Variants in STXBP5L observed in about 807,000 individuals in gnomAD.
The protein encoded by STXBP5L is syntaxin binding protein 5L.
A neutral mutation model predicts 144.5 loss-of-function variants in STXBP5L; 65 were observed. The ratio of observed to expected loss-of-function variants is 0.45; its 90% CI spans 0.37 to 0.55. The LOEUF is 0.55. Ranked by LOEUF, STXBP5L falls within the 20% of genes least tolerant of loss-of-function variation. The pLI is 0.00. For synonymous variants in STXBP5L, 505 were observed against 469.6 expected, an observed-to-expected ratio of 1.08 and a Z score of -0.97; for missense variants, 1,298 against 1,405.5, an observed-to-expected ratio of 0.92 and a Z score of 1.22.
At chr3:121,197,147 G>T (rs1385077903) in intron 9 of STXBP5L, among the ~76,000 whole-genome samples, 1 of 152,084 alleles carries the variant, frequency 6.6e-6, no homozygotes, top group Admixed American at 6.5e-5. Context: ...TTGTTATTCA[G>T]TCAGATGTTA....
At chr3:121,190,372 A>G (rs1699958) in intron 9 of STXBP5L, among the ~76,000 whole-genome samples, 74,273 of 151,962 alleles carry the variant, frequency 0.49, 18,620 homozygotes, top group East Asian at 0.73. Context: ...GGGGTTGGGG[A>G]TAAGGTTATA....
At chr3:121,330,368 C>G (rs1176297542) in intron 20 of STXBP5L, among the ~76,000 whole-genome samples, 1 of 152,198 alleles carries the variant, frequency 6.6e-6, no homozygotes, top group Non-Finnish European at 1.5e-5. Flanking sequence ...ATTACCCCAG[C>G]AGCAGAGAAC....
chr3:121,283,938 A>G (rs958894997), intron 19 of STXBP5L, among the ~76,000 whole-genome samples: 4 of 150,532 alleles, frequency 2.7e-5, no homozygotes, highest in African/African-American at 9.8e-5. Context: ...TAGACAGAAA[A>G]GTTTCTGGAA....
intron 5 of STXBP5L, among the ~76,000 whole-genome samples, chr3:121,078,458 C>A (rs1005132590): frequency 6.6e-6 from 1 of 152,264 alleles, no homozygotes; most frequent in African/African-American, 2.4e-5. Context: ...TGAGGAGCCC[C>A]GCTGTCGTCA....
At chr3:121,139,093 A>G (rs1183848743) in intron 7 of STXBP5L, among the ~76,000 whole-genome samples, 2 of 152,022 alleles carry the variant, frequency 1.3e-5, no homozygotes, top group African/African-American at 2.4e-5. Context: ...GTAGAAGTCA[A>G]GGAGAAGAAA....
chr3:121,053,972 C>G (rs1294368682), intron 5 of STXBP5L, among the ~76,000 whole-genome samples: 1 of 151,964 alleles, frequency 6.6e-6, no homozygotes, highest in African/African-American at 2.4e-5. Flanking sequence ...TTTATGCAGC[C>G]AAAAGACACA....
At chr3:120,944,486 T>A (rs1049817225) in intron 2 of STXBP5L, among the ~76,000 whole-genome samples, 1 of 151,724 alleles carries the variant, frequency 6.6e-6, no homozygotes, top group Admixed American at 6.6e-5. Context: ...CCCATTTCTA[T>A]TATATATATT....
chr3:121,130,952 T>G (rs1252313901), intron 7 of STXBP5L, among the ~76,000 whole-genome samples: 2 of 151,854 alleles, frequency 1.3e-5, no homozygotes, highest in African/African-American at 4.8e-5. Context: ...AATTATAAAT[T>G]AAAATACATA....
intron 20 of STXBP5L, among the ~76,000 whole-genome samples, chr3:121,323,595 C>T (rs1172979742): frequency 6.6e-6 from 1 of 152,160 alleles, no homozygotes; most frequent in Non-Finnish European, 1.5e-5. Context: ...TATTCATTCA[C>T]TCAACTATAC....
intron 5 of STXBP5L, among the ~76,000 whole-genome samples, chr3:121,093,200 C>T (rs12493856): frequency 0.099 from 15,112 of 152,140 alleles, 1,182 homozygotes; most frequent in Admixed American, 0.2. Flanking sequence ...ATTTTTGCAT[C>T]AATGTTCATC....
At chr3:121,199,810 G>A (rs757604534) in intron 9 of STXBP5L, among the ~76,000 whole-genome samples, 2 of 151,984 alleles carry the variant, frequency 1.3e-5, no homozygotes, top group East Asian at 3.8e-4. Context: ...TGTTGAGCTA[G>A]CCTTGCATCC....
At chr3:121,399,259 G>A (rs991822705) in intron 22 of STXBP5L, among the ~76,000 whole-genome samples, 2 of 152,146 alleles carry the variant, frequency 1.3e-5, no homozygotes, top group Non-Finnish European at 2.9e-5. Flanking sequence ...TACTCACCAT[G>A]GGGATTGCTT....
At chr3:121,191,063 G>A (rs1438112542) in intron 9 of STXBP5L, among the ~76,000 whole-genome samples, 1 of 151,586 alleles carries the variant, frequency 6.6e-6, no homozygotes. Flanking sequence ...AGACTGGGTG[G>A]CCAGGCAGAG....
At chr3:121,093,784 T>C (rs989018477) in intron 5 of STXBP5L, among the ~76,000 whole-genome samples, 1 of 152,226 alleles carries the variant, frequency 6.6e-6, no homozygotes, top group African/African-American at 2.4e-5. Flanking sequence ...AGTTCTGTTC[T>C]GATTTTAGTT....
chr3:121,355,420 T>C (rs944248429), intron 20 of STXBP5L, among the ~76,000 whole-genome samples: 3 of 152,202 alleles, frequency 2.0e-5, no homozygotes, highest in Non-Finnish European at 4.4e-5. Flanking sequence ...GCTTTCTCAC[T>C]TTATTTCATT....
chr3:121,066,585 A>C (rs1358085102), intron 5 of STXBP5L, among the ~76,000 whole-genome samples: 1 of 152,050 alleles, frequency 6.6e-6, no homozygotes, highest in Non-Finnish European at 1.5e-5. Flanking sequence ...TATTAGCATT[A>C]TTATATGTGC....
At position 121,259,117 on chromosome 3, in the gene STXBP5L, G is replaced by T; in HGVS notation, c.1907G>T (p.Gly636Val). The T allele has an allele frequency of 6.2e-7, 1 of 1,604,530 alleles. No homozygotes were observed. Among genetic ancestry groups the T allele is most frequent in the African/African-American group, 1.3e-5 (1 of 74,726 alleles). The stretch of plus-strand genomic sequence containing the variant: ...GTTATTCAATTGGTGTGGGTAGATG[G>T]TGAACCTCCACAACAGATTACTAGT... Reference protein sequence around the residue: ...ELVIQLVWVDGEPPQQITSLA... With the variant: ...ELVIQLVWVDVEPPQQITSLA... Residue 636 changes from glycine (G) to valine (V), a missense_variant, in exon 18 of 27, where the codon GGT becomes GTT. Physicochemically the swap from Gly to Val is moderately radical, Grantham distance 109. Coordinates refer to ENST00000471454, the MANE Select transcript of STXBP5L (RefSeq NM_001308330.2).
At chr3:121,231,039 A>G (rs2049291211) in intron 11 of STXBP5L, among the ~76,000 whole-genome samples, 1 of 152,148 alleles carries the variant, frequency 6.6e-6, no homozygotes, top group Admixed American at 6.6e-5. Flanking sequence ...ACTATCAGAA[A>G]CTGGTATCTG....
rs548786588 is a variant in STXBP5L at position 121,362,775 on chromosome 3, T to A, written c.2177-15941T>A. Among the ~76,000 whole-genome samples, 35 of 152,088 alleles carry A rather than the reference T, an allele frequency of 2.3e-4. No homozygotes were observed. The South Asian group carries it at 4.0e-3, about 17-fold the overall frequency. Reference sequence around the variant, plus strand: ...GGTACAAGACAAACTCCCCTTTACATTTCCTTCTGCTTTTCTCAAGCAGAA... The same window carrying A: ...GGTACAAGACAAACTCCCCTTTACAATTCCTTCTGCTTTTCTCAAGCAGAA... On this transcript the variant is annotated intron_variant, in intron 20 of 26. Coordinates refer to ENST00000471454, the MANE Select transcript of STXBP5L (RefSeq NM_001308330.2).
Sources: allele counts gnomAD v4.1 joint callset (sites outside exome capture counted in the v4.1 genomes callset), GRCh38; gene constraint gnomAD v4.1.1; transcripts MANE v1.5; gene names NCBI Gene and HGNC (gene_info 2026-07-23, HGNC 2026-07-21).